The following PCGF5 variants were observed in gnomAD, a reference collection of about 807,000 sequenced individuals.
The protein encoded by PCGF5 is polycomb group RING finger protein 5.
Under a neutral mutation model 44.3 loss-of-function variants are expected in PCGF5, and 9 were observed. The ratio of observed to expected loss-of-function variants is 0.20; its 90% CI spans 0.12 to 0.35. The LOEUF (loss-of-function observed/expected upper bound fraction) is 0.35, where lower values mean the gene tolerates loss of function less well. PCGF5 is among the 10% of genes least tolerant of loss of function. PCGF5 has a pLI of 1.00. For missense variants in PCGF5, 146 were observed against 305.3 expected (o/e 0.48, Z 3.89); for synonymous variants, 95 against 102.5 (o/e 0.93, Z 0.44).
At chr10:91,193,216 C>G (rs1166246334) in intron 1 of PCGF5, among the ~76,000 whole-genome samples, 1 of 152,112 alleles carries the variant, frequency 6.6e-6, no homozygotes, top group Non-Finnish European at 1.5e-5. Context: ...CAGCCAAAGA[C>G]CCAAAGGAGC....
chr10:91,215,938 A>G (rs1296245677), upstream of PCGF5, among the ~76,000 whole-genome samples: 1 of 152,254 alleles, frequency 6.6e-6, no homozygotes, highest in African/African-American at 2.4e-5. Context: ...ATGCCTTAAC[A>G]CATCCTTTGT....
At chr10:91,157,809 C>T in the PCGF5 span, among the ~76,000 whole-genome samples, 2 of 152,106 alleles carry the variant, frequency 1.3e-5, no homozygotes, top group Non-Finnish European at 2.9e-5. Flanking sequence ...CTGGAGATTC[C>T]GCCACTAACA....
chr10:91,184,578 C>T (rs1024862516), intron 1 of PCGF5, among the ~76,000 whole-genome samples: 4 of 152,194 alleles, frequency 2.6e-5, no homozygotes, highest in Non-Finnish European at 4.4e-5. Context: ...TTGTCCTCAG[C>T]CCAGTTCTGA....
At chr10:91,178,309 T>A (rs1313302137) in intron 1 of PCGF5, among the ~76,000 whole-genome samples, 6 of 152,088 alleles carry the variant, frequency 3.9e-5, no homozygotes, top group Admixed American at 3.9e-4. Flanking sequence ...CAGAAGAAAT[T>A]GCTAAAATTT....
intron 7 of PCGF5, among the ~76,000 whole-genome samples, chr10:91,262,853 G>A (rs761952751): frequency 3.5e-4 from 53 of 152,142 alleles, no homozygotes; most frequent in Non-Finnish European, 8.8e-5. Context: ...TTATGATTTG[G>A]TTTGCACTTT....
At chr10:91,261,174 A>C (rs1472872868) in intron 6 of PCGF5, 152 bp from the exon 7 acceptor site, 4 of 1,001,622 alleles carry the variant, frequency 4.0e-6, no homozygotes, top group Non-Finnish European at 5.3e-6. Context: ...TTTACTCGCA[A>C]ATACTAAAAA....
intron 1 of PCGF5, among the ~76,000 whole-genome samples, chr10:91,204,594 A>G (rs1844307026): frequency 6.6e-6 from 1 of 152,210 alleles, no homozygotes; most frequent in Non-Finnish European, 1.5e-5. Flanking sequence ...TTCCAGACAA[A>G]TGTTTGGTTC....
chr10:91,261,550 T>TA, intron 7 of PCGF5, 126 bp downstream of exon 7: 1 of 1,179,092 alleles, frequency 8.5e-7, no homozygotes, highest in Non-Finnish European at 1.1e-6. Flanking sequence ...ATTTTTGTGT[T>TA]AAAAATTTAA....
chr10:91,214,238 G>A (rs1437649808), intron 1 of PCGF5, among the ~76,000 whole-genome samples: 1 of 152,036 alleles, frequency 6.6e-6, no homozygotes, highest in Non-Finnish European at 1.5e-5. Flanking sequence ...GGAGGTTGAG[G>A]CTGCAATGAG....
intron 1 of PCGF5, among the ~76,000 whole-genome samples, chr10:91,177,278 G>T (rs1167014293): frequency 1.3e-5 from 2 of 151,702 alleles, no homozygotes; most frequent in African/African-American, 4.8e-5. Context: ...TTTTGTCTCA[G>T]AGGGGTACCC....
chr10:91,269,503 T>C (rs925016218), intron 8 of PCGF5, among the ~76,000 whole-genome samples: 4 of 152,210 alleles, frequency 2.6e-5, no homozygotes, highest in African/African-American at 9.6e-5. Flanking sequence ...ATAATTTGAT[T>C]AACACACCCC....
chr10:91,213,489 A>T (rs890297607), intron 1 of PCGF5, among the ~76,000 whole-genome samples: 5 of 151,878 alleles, frequency 3.3e-5, no homozygotes, highest in Non-Finnish European at 5.9e-5. Context: ...TTTAAGATGA[A>T]GTTTTGCTCT....
intron 1 of PCGF5, among the ~76,000 whole-genome samples, chr10:91,179,398 C>A (rs1172111464): frequency 1.3e-5 from 2 of 152,096 alleles, no homozygotes; most frequent in Non-Finnish European, 2.9e-5. Context: ...TTTGTTACAT[C>A]AGTAAACTTG....
intron 9 of PCGF5, among the ~76,000 whole-genome samples, chr10:91,275,161 ATAAAGAAT>A (rs1846275675): frequency 6.6e-6 from 1 of 152,222 alleles, no homozygotes; most frequent in Non-Finnish European, 1.5e-5. Flanking sequence ...TTATTAATAC[ATAAAGAAT>A]TCATACAAAT....
At chr10:91,166,861 G>A (rs976039725) in intron 1 of PCGF5, among the ~76,000 whole-genome samples, 1 of 152,190 alleles carries the variant, frequency 6.6e-6, no homozygotes, top group Non-Finnish European at 1.5e-5. Flanking sequence ...TGTGTGTGGT[G>A]TATAAAAGGC....
chr10:91,249,291 A>G (rs1358776832), intron 5 of PCGF5, among the ~76,000 whole-genome samples: 2 of 150,714 alleles, frequency 1.3e-5, no homozygotes, highest in Non-Finnish European at 3.0e-5. Flanking sequence ...CTGGGTCCCA[A>G]AAGACTCAGC....
intron 1 of PCGF5, among the ~76,000 whole-genome samples, chr10:91,163,584 C>T (rs1482375552): frequency 6.6e-6 from 1 of 152,106 alleles, no homozygotes; most frequent in Non-Finnish European, 1.5e-5. Context: ...CCGCGCGCCC[C>T]GGCGCCTAGT....
intron 1 of PCGF5, among the ~76,000 whole-genome samples, chr10:91,213,862 G>A (rs1466331413): frequency 6.6e-6 from 1 of 152,166 alleles, no homozygotes; most frequent in Non-Finnish European, 1.5e-5. Context: ...CTAAATGCCT[G>A]CTATGGGTTG....
At chr10:91,255,916 C>T (rs181394346) in intron 6 of PCGF5, among the ~76,000 whole-genome samples, 1 of 152,102 alleles carries the variant, frequency 6.6e-6, no homozygotes, top group East Asian at 1.9e-4. Flanking sequence ...TTTAAATCAT[C>T]TCTAGATTAC....
Sources: allele counts gnomAD v4.1 joint callset (sites outside exome capture counted in the v4.1 genomes callset), GRCh38; gene constraint gnomAD v4.1.1; transcripts MANE v1.5; gene names NCBI Gene and HGNC (gene_info 2026-07-23, HGNC 2026-07-21).